The following SLC10A6 variants were observed in gnomAD, a reference collection of about 807,000 sequenced individuals.
The protein encoded by SLC10A6 is sodium-dependent organic anion transporter.
In SLC10A6, 27 loss-of-function variants were observed where a neutral mutation model predicts 30.0. The ratio of observed to expected loss-of-function variants is 0.90; its 90% CI spans 0.66 to 1.24. The LOEUF is 1.24. Among genes scored for constraint, SLC10A6 ranks in the 50% most tolerant of loss-of-function variants. The pLI is 0.00. For missense variants in SLC10A6, 439 were observed against 457.0 expected (o/e 0.96, Z 0.36); for synonymous variants, 166 against 173.8 (o/e 0.95, Z 0.36).
chr4:86,836,074 C>T (rs577335633), intron 1 of SLC10A6, among the ~76,000 whole-genome samples: 63 of 152,274 alleles, frequency 4.1e-4, no homozygotes, highest in African/African-American at 1.4e-3. Context: ...AAACCAACAG[C>T]CATGCTACAT....
intron 1 of SLC10A6, among the ~76,000 whole-genome samples, chr4:86,842,878 T>TTTCTTTCTTTCTTTCTTTCTTTC (rs1560461956): frequency 9.4e-5 from 8 of 84,726 alleles, no homozygotes; most frequent in Admixed American, 4.9e-4. Flanking sequence ...TTCTTTCTTT[T>TTTCTTTCTTTCTTTCTTTCTTTC]TTTTTTTGAG....
chr4:86,823,813 A>G lies in SLC10A6; in HGVS notation c.1009T>C (p.Ser337Pro), dbSNP rs1745925810. The G allele has an allele frequency of 3.1e-6, 5 of 1,614,196 alleles. No homozygotes were observed. In the South Asian group the frequency reaches 5.5e-5, roughly 18 times the overall value. The change falls in exon 6 of 6, where the codon TCT becomes CCT. Residue 337 changes from serine to proline, a missense_variant. Coordinates refer to ENST00000273905, the MANE Select transcript of SLC10A6 (RefSeq NM_197965.3). ...TEVCHTRKST[S>P]SRETNAFLEV... is the part of the protein sequence containing the mutation. ...AAGAAGGCATTGGTCTCTCTGGAAG[A>G]AGTCGATTTCCTCGTATGGCAGACT...
At chr4:86,840,963 G>GA (rs1353460667) in intron 1 of SLC10A6, among the ~76,000 whole-genome samples, 1 of 152,002 alleles carries the variant, frequency 6.6e-6, no homozygotes, top group Non-Finnish European at 1.5e-5. Flanking sequence ...CAATTTAAAA[G>GA]AAAAAAAGCA....
chr4:86,847,322 G>C (rs1354213214), intron 1 of SLC10A6, among the ~76,000 whole-genome samples: 1 of 152,156 alleles, frequency 6.6e-6, no homozygotes, highest in Non-Finnish European at 1.5e-5. Context: ...ATAAATATTA[G>C]TTTCCTTTTT....
Position 86,848,838 on chromosome 4 carries a change from T to C in SLC10A6, c.278A>G (p.Lys93Arg), listed in dbSNP as rs773027804. ...AYLLAISFSL[K>R]PVQAIAVLIM... ...GAGAACAGCAATAGCTTGGACTGGC[T>C]TCAGAGAAAAGCTAATGGCCAGGAG... The change falls in exon 1 of 6, where the codon AAG becomes AGG. Residue 93 changes from lysine to arginine, a missense_variant. Lys to Arg is a conservative substitution (Grantham distance 26, BLOSUM62 2). Coordinates refer to ENST00000273905, the MANE Select transcript of SLC10A6 (RefSeq NM_197965.3). The C allele has an allele frequency of 8.1e-6, 13 of 1,614,052 alleles. No individual in the cohort carries two copies. Among genetic ancestry groups the C allele is most frequent in the East Asian group, 2.2e-5 (1 of 44,882 alleles).
rs1746324202 is a variant in SLC10A6 at position 86,842,851 on chromosome 4, TTTCTTTCTTTCTTTCTTTCTTTC to T, written c.377+5865_377+5887del. Reference sequence around the variant, plus strand: ...CTTTCTTTCTTTCTTTCTTTCTTTCTTTCTTTCTTTCTTTCTTTCTTTCTTTTTTTTTTTGAGATGGAGTCTCG... The same window carrying T: ...CTTTCTTTCTTTCTTTCTTTCTTTCTTTTTTTTTTTTGAGATGGAGTCTCG... On this transcript the variant is annotated intron_variant, in intron 1 of 5. Transcript: ENST00000273905. 2.2e-4 allele frequency among the ~76,000 whole-genome samples: 11 copies of T among 49,502 alleles called. 1 individual carries two copies. The highest frequency in any genetic ancestry group is 1.0e-3 in the Admixed American group (5 of 4,836). 32.5% of individuals were successfully genotyped at this position (49,502 alleles called of 152,430 possible). A position where few individuals can be genotyped will look rare whatever the true frequency, so the allele number is the denominator to read the frequency against.
intron 3 of SLC10A6, among the ~76,000 whole-genome samples, chr4:86,830,854 G>A (rs114817468): frequency 7.2e-5 from 11 of 152,138 alleles, no homozygotes; most frequent in African/African-American, 2.7e-4. Context: ...AAATCTTCAT[G>A]AAAGCCACAC....
intron 1 of SLC10A6, among the ~76,000 whole-genome samples, chr4:86,836,779 A>G (rs953831684): frequency 6.6e-5 from 10 of 152,092 alleles, no homozygotes; most frequent in African/African-American, 2.2e-4. Context: ...GTTTTTTGAA[A>G]TGGAGTCCCA....
chr4:86,843,264 A>C (rs1432989595), intron 1 of SLC10A6, among the ~76,000 whole-genome samples: 1 of 151,998 alleles, frequency 6.6e-6, no homozygotes, highest in Non-Finnish European at 1.5e-5. Flanking sequence ...GCCTACCACT[A>C]CCTGGCTGGT....
intron 1 of SLC10A6, among the ~76,000 whole-genome samples, chr4:86,835,726 G>C (rs1746171327): frequency 7.4e-6 from 1 of 134,588 alleles, no homozygotes; most frequent in South Asian, 2.2e-4. Context: ...GAAAGAAAAG[G>C]AGAAGAAAGA....
At chr4:86,835,140 G>A (rs1362434122) in intron 1 of SLC10A6, among the ~76,000 whole-genome samples, 1 of 152,158 alleles carries the variant, frequency 6.6e-6, no homozygotes, top group Non-Finnish European at 1.5e-5. Context: ...CTGAACGCCT[G>A]CCCAGTATGA....
chr4:86,827,270 T>C (rs1746012896), intron 4 of SLC10A6, among the ~76,000 whole-genome samples: 1 of 152,166 alleles, frequency 6.6e-6, no homozygotes, highest in African/African-American at 2.4e-5. Context: ...CAGGTCCAAA[T>C]CCTAACTCCA....
In SLC10A6 at chr4:86,849,368, C is replaced by T. The variant is rs1194566271; in HGVS notation, c.-253G>A. 6 of 484,838 alleles carry T rather than the reference C, an allele frequency of 1.2e-5. No homozygotes were observed. Among genetic ancestry groups the T allele is most frequent in the Non-Finnish European group, 2.2e-5 (6 of 273,836 alleles). 30.0% of individuals were successfully genotyped at this position (484,838 alleles called of 1,614,324 possible). Reference sequence around the variant, plus strand: ...GGCTTTCCACTTCTGTTCTTACTCACCACTGAATATGTATGTGAGATGAGA... The same window carrying T: ...GGCTTTCCACTTCTGTTCTTACTCATCACTGAATATGTATGTGAGATGAGA... On this transcript the variant is annotated 5_prime_UTR_variant, in exon 1 of 6. In the 5' UTR this introduces an upstream ATG that the reference lacks. Coordinates refer to ENST00000273905, the MANE Select transcript of SLC10A6 (RefSeq NM_197965.3).
chr4:86,823,866 T>C lies in SLC10A6; in HGVS notation c.956A>G (p.His319Arg), dbSNP rs1350467586. ...TGTGCAACCTGAGTTCTTTTTTCCA[T>C]GTTTGTTCTTCAATCTCCTCTTGTA... Reference protein sequence around the residue: ...QTYKRRLKNKHGKKNSGCTEV... With the variant: ...QTYKRRLKNKRGKKNSGCTEV... Residue 319 changes from histidine (H) to arginine (R), a missense_variant, in exon 6 of 6, where the codon CAT becomes CGT. His to Arg is a conservative substitution (Grantham distance 29, BLOSUM62 0). Transcript: ENST00000273905. 5 of 1,613,566 alleles carry C rather than the reference T, an allele frequency of 3.1e-6. 1 individual carries two copies. In the Middle Eastern group the frequency reaches 6.6e-4, roughly 213 times the overall value.
chr4:86,837,289 G>GAAAGAAAGAA (rs1746211194), intron 1 of SLC10A6, among the ~76,000 whole-genome samples: 1 of 86,058 alleles, frequency 1.2e-5, no homozygotes, highest in Non-Finnish European at 2.3e-5. Context: ...GAAAGAAAAA[G>GAAAGAAAGAA]AAAGGAAGGA....
chr4:86,833,727 C>A (rs200159954), intron 1 of SLC10A6, among the ~76,000 whole-genome samples: 1 of 151,914 alleles, frequency 6.6e-6, no homozygotes, highest in Non-Finnish European at 1.5e-5. Context: ...AAGTATAATC[C>A]ACAAGCCATA....
chr4:86,827,056 G>C (rs1164369211), intron 4 of SLC10A6, among the ~76,000 whole-genome samples: 1 of 152,094 alleles, frequency 6.6e-6, no homozygotes, highest in Non-Finnish European at 1.5e-5. Context: ...TCAAAAACTC[G>C]ATATGATTAA....
At chr4:86,837,473 G>A (rs1176925989) in intron 1 of SLC10A6, 2 of 322,700 alleles carry the variant, frequency 6.2e-6, no homozygotes, top group Non-Finnish European at 8.9e-6. Context: ...GAGCTGGGAG[G>A]TTATATTTCA....
At chr4:86,834,311 C>T (rs1746144109) in intron 1 of SLC10A6, among the ~76,000 whole-genome samples, 1 of 152,160 alleles carries the variant, frequency 6.6e-6, no homozygotes, top group Admixed American at 6.6e-5. Context: ...CAGATGCTGG[C>T]ACTTTGCTTC....
Sources: allele counts gnomAD v4.1 joint callset (sites outside exome capture counted in the v4.1 genomes callset), GRCh38; gene constraint gnomAD v4.1.1; transcripts MANE v1.5; gene names NCBI Gene and HGNC (gene_info 2026-07-23, HGNC 2026-07-21).